The following ARHGEF4 variants were observed in gnomAD, a reference collection of about 807,000 sequenced individuals.
The protein encoded by ARHGEF4 is APC-stimulated guanine nucleotide exchange factor 1.
In ARHGEF4, 119 loss-of-function variants were observed where a neutral mutation model predicts 162.0. The observed-to-expected ratio is 0.73, with a 90% confidence interval of 0.63 to 0.86. ARHGEF4 has a LOEUF of 0.86. ARHGEF4 is among the 40% of genes least tolerant of loss of function. The pLI, the probability that ARHGEF4 is intolerant of heterozygous loss-of-function variation, is 0.00. For synonymous variants in ARHGEF4, 1,014 were observed against 979.9 expected (o/e 1.03, Z -0.65); for missense variants, 2,488 against 2,456.0 (o/e 1.01, Z -0.28).
chr2:130,988,848 T>TTGTG (rs1167521372), intron 4 of ARHGEF4, among the ~76,000 whole-genome samples: 32 of 136,206 alleles, frequency 2.3e-4, no homozygotes, highest in Middle Eastern at 3.7e-3. Context: ...CCACATATAT[T>TTGTG]TGTGTGTGTG....
At chr2:130,890,019 T>G (rs1302029131) in intron 1 of ARHGEF4, among the ~76,000 whole-genome samples, 1 of 152,136 alleles carries the variant, frequency 6.6e-6, no homozygotes, top group Admixed American at 6.6e-5. Flanking sequence ...TTAAGATACC[T>G]CCACACCCTT....
chr2:130,942,385 G>T lies in ARHGEF4; in HGVS notation c.3859-4124G>T, dbSNP rs186480696. Among the ~76,000 whole-genome samples, 52 of 152,028 alleles carry T rather than the reference G, an allele frequency of 3.4e-4. No individual in the cohort carries two copies. The East Asian group carries it at 9.9e-3, about 29-fold the overall frequency. ...AGGATGGTCTCGATCTCCTGACCTC[G>T]TGATCCACCCACCTCAGCCTCCCAA... On this transcript the variant is annotated intron_variant, in intron 3 of 13. Transcript: ENST00000409359.
rs1036775828 is a variant in ARHGEF4 at position 130,915,469 on chromosome 2, CA to C, written c.1526del (p.Lys509SerfsTer32). The C allele has an allele frequency of 1.9e-6, 3 of 1,550,434 alleles. No homozygotes were observed. The African/African-American group carries it at 4.1e-5, about 21-fold the overall frequency. ...GGAAACCAAACCAGTAATTACACAT[CA>C]AAGTATGTGCTCAGCGAGGAAAGCA... ...QAGNQTSNYTSKYVLSEESKS... is the reference protein window; with the variant it reads ...QAGNQTSNYTXKYVLSEESKS... On this transcript the variant is annotated frameshift_variant, in exon 2 of 14. Transcript: ENST00000409359. LOFTEE classifies it high-confidence loss of function.
At chr2:130,959,034 T>C (rs1684468328) in intron 4 of ARHGEF4, among the ~76,000 whole-genome samples, 1 of 151,886 alleles carries the variant, frequency 6.6e-6, no homozygotes, top group African/African-American at 2.4e-5. Context: ...CTCTGCCTCC[T>C]GAGTTCAAGT....
In ARHGEF4 at chr2:130,914,783, G is replaced by A; in HGVS notation, c.837G>A (p.Gly279=). 2 of 1,437,868 alleles carry A rather than the reference G, an allele frequency of 1.4e-6. No individual in the cohort carries two copies. The highest frequency in any genetic ancestry group is 3.0e-5 in the South Asian group (2 of 66,564). 89.1% of individuals were successfully genotyped at this position (1,437,868 alleles called of 1,614,324 possible). The part of the protein sequence containing the change: ...TKKESTLGPA[G]DTELLWSQPH... The stretch of plus-strand genomic sequence containing the variant: ...AGGAAAGTACTCTAGGCCCTGCAGG[G>A]GACACAGAATTGCTCTGGTCCCAGC... Residue 279 remains glycine, a synonymous_variant, in exon 2 of 14, where the codon GGG becomes GGA. Coordinates refer to ENST00000409359, the MANE Select transcript of ARHGEF4 (RefSeq NM_001367493.1).
At chr2:131,016,402 C>T (rs751646530) in intron 4 of ARHGEF4, among the ~76,000 whole-genome samples, 9 of 152,208 alleles carry the variant, frequency 5.9e-5, no homozygotes, top group Admixed American at 1.3e-4. Flanking sequence ...AATGCGCAGA[C>T]GTGAACTGGA....
intron 6 of ARHGEF4, 146 bp from the exon 7 acceptor site, chr2:131,039,870 T>G: frequency 7.0e-7 from 1 of 1,425,864 alleles, no homozygotes. Context: ...GGTGGCGTGG[T>G]GGGGGGAGCT....
chr2:131,043,670 G>A (rs1361920927), intron 11 of ARHGEF4, 87 bp downstream of exon 11: 1 of 1,591,810 alleles, frequency 6.3e-7, no homozygotes, highest in Non-Finnish European at 8.6e-7. Flanking sequence ...CCAGAAGACA[G>A]GTGCCAGCCA....
intron 4 of ARHGEF4, among the ~76,000 whole-genome samples, chr2:130,970,587 CAAAAA>C (rs57254908): frequency 4.4e-4 from 51 of 116,922 alleles, no homozygotes; most frequent in Non-Finnish European, 4.1e-4. Flanking sequence ...GAAACTCCAT[CAAAAA>C]AAAAAAAAAA....
At chr2:131,008,798 G>A (rs1688281266) in intron 4 of ARHGEF4, among the ~76,000 whole-genome samples, 1 of 152,016 alleles carries the variant, frequency 6.6e-6, no homozygotes, top group South Asian at 2.1e-4. Context: ...TAAAATGTAA[G>A]AATCTTGCAT....
chr2:130,936,193 G>T (rs1326196410), intron 3 of ARHGEF4, among the ~76,000 whole-genome samples: 3 of 152,202 alleles, frequency 2.0e-5, no homozygotes, highest in African/African-American at 7.2e-5. Context: ...GTATATGTCT[G>T]TTAGTTTTAA....
chr2:131,041,953 C>A lies in ARHGEF4; in HGVS notation c.5025+9C>A. ...CCATAGAGGACTGGGAGGTGAGGGC[C>A]TGGGGGCACAGAAAATTCCAGGAGG... On this transcript the variant is annotated intron_variant, in intron 10 of 13. Transcript: ENST00000409359. 6.2e-7 allele frequency: 1 copy of A among 1,609,462 alleles called. No homozygotes were observed. Among genetic ancestry groups the A allele is most frequent in the East Asian group, 2.2e-5 (1 of 44,816 alleles).
chr2:130,844,624 G>A (rs1680826756), intron 1 of ARHGEF4, among the ~76,000 whole-genome samples: 1 of 152,066 alleles, frequency 6.6e-6, no homozygotes, highest in Non-Finnish European at 1.5e-5. Context: ...CCTTTGTGAT[G>A]GTGATGGCCC....
chr2:130,995,385 C>T (rs1687309632), intron 4 of ARHGEF4, among the ~76,000 whole-genome samples: 1 of 152,074 alleles, frequency 6.6e-6, no homozygotes, highest in East Asian at 1.9e-4. Flanking sequence ...GTTTTTACTT[C>T]TCCATTGAGA....
Position 130,848,825 on chromosome 2 carries a change from G to A in ARHGEF4, c.39+11833G>A, listed in dbSNP as rs553533441. Among the ~76,000 whole-genome samples the A allele has an allele frequency of 6.6e-5, 10 of 152,316 alleles. 1 individual carries two copies. In the South Asian group the frequency reaches 1.9e-3, roughly 28 times the overall value. The stretch of plus-strand genomic sequence containing the variant: ...ATACAGGGCACAGGAGACAGGCCTG[G>A]GTGGCGCAGTGAGGCTCAGGGGTGA... On this transcript the variant is annotated intron_variant, in intron 1 of 13. Transcript: ENST00000409359.
intron 4 of ARHGEF4, among the ~76,000 whole-genome samples, chr2:131,011,004 G>A (rs1688414595): frequency 6.6e-6 from 1 of 152,182 alleles, no homozygotes; most frequent in Admixed American, 6.5e-5. Context: ...TGTGTGTGTT[G>A]GAAACTACAC....
chr2:131,019,034 G>T (rs1688929566), intron 4 of ARHGEF4, among the ~76,000 whole-genome samples: 2 of 151,902 alleles, frequency 1.3e-5, no homozygotes, highest in Admixed American at 6.6e-5. Context: ...CTCCAACTTT[G>T]TTTTTTTCAA....
At chr2:130,865,225 G>A (rs1682188667) in intron 1 of ARHGEF4, among the ~76,000 whole-genome samples, 2 of 152,184 alleles carry the variant, frequency 1.3e-5, no homozygotes, top group South Asian at 2.1e-4. Context: ...CCAATGACAG[G>A]GATTTAGAGA....
chr2:131,031,779 T>C (rs1309555999), intron 5 of ARHGEF4, among the ~76,000 whole-genome samples: 1 of 152,198 alleles, frequency 6.6e-6, no homozygotes, highest in Non-Finnish European at 1.5e-5. Context: ...GGCCTGGGCC[T>C]GTCTGCCCAG....
Sources: gnomAD v4.1 joint callset for allele counts (sites outside exome capture counted in the v4.1 genomes callset) on GRCh38, gnomAD v4.1.1 for gene constraint, MANE v1.5 for transcripts, NCBI Gene and HGNC (gene_info 2026-07-23, HGNC 2026-07-21) for gene names.